The following XPOT variants were observed in gnomAD, a reference collection of about 807,000 sequenced individuals.
XPOT encodes the protein exportin for tRNA.
Under a neutral mutation model 128.2 loss-of-function variants are expected in XPOT, and 34 were observed. The observed-to-expected ratio is 0.27, with a 90% CI of 0.20 to 0.35. The LOEUF (loss-of-function observed/expected upper bound fraction) is 0.35. Ranked by LOEUF, XPOT falls within the 10% of genes least tolerant of loss-of-function variation. XPOT has a pLI of 1.00. For synonymous variants in XPOT, 348 were observed against 394.3 expected (o/e 0.88, Z 1.39); for missense variants, 838 against 1,125.3 (o/e 0.74, Z 3.65).
chr12:64,413,904 A>AT (rs2040063519), intron 2 of XPOT, among the ~76,000 whole-genome samples: 1 of 152,216 alleles, frequency 6.6e-6, no homozygotes, highest in Non-Finnish European at 1.5e-5. Flanking sequence ...TGATTTCATC[A>AT]CTAGTGGGAG....
At chr12:64,411,759 T>C (rs1357257752) in intron 2 of XPOT, among the ~76,000 whole-genome samples, 2 of 152,146 alleles carry the variant, frequency 1.3e-5, no homozygotes, top group African/African-American at 4.8e-5. Flanking sequence ...CCAACCCCAA[T>C]TGCTCAGTTG....
In XPOT at chr12:64,424,718, A is replaced by C. The variant is rs748525662; in HGVS notation, c.1302A>C (p.Thr434=). 37 of 1,613,540 alleles carry C rather than the reference A, an allele frequency of 2.3e-5. No individual in the cohort carries two copies. Among genetic ancestry groups the C allele is most frequent in the Middle Eastern group, 1.7e-4 (1 of 5,928 alleles). ...LASVRRVFSS[T]LQNWQTTRFM... is the part of the protein sequence containing the mutation. ...CTGTTCGCAGAGTTTTTAGTTCTACACTGCAGTAAGTTTGTCATTACTTTT... is the reference window on the plus strand; with the variant it reads ...CTGTTCGCAGAGTTTTTAGTTCTACCCTGCAGTAAGTTTGTCATTACTTTT... The change falls in exon 12 of 25, where the codon ACA becomes ACC. Residue 434 remains threonine, a synonymous_variant. Transcript: ENST00000332707.
intron 15 of XPOT, 124 bp downstream of exon 15, chr12:64,426,033 G>A: frequency 4.7e-6 from 4 of 854,986 alleles, no homozygotes; most frequent in Non-Finnish European, 7.5e-6. Context: ...TAAAGAAAAT[G>A]TAGGCCAGGT....
At chr12:64,410,952 A>T (rs2136011086) in intron 2 of XPOT, among the ~76,000 whole-genome samples, 1 of 152,156 alleles carries the variant, frequency 6.6e-6, no homozygotes, top group Admixed American at 6.5e-5. Context: ...GAGCTAAATG[A>T]GGTTAACAAT....
intron 1 of XPOT, among the ~76,000 whole-genome samples, chr12:64,405,845 T>A (rs2039975778): frequency 6.6e-6 from 1 of 152,212 alleles, no homozygotes; most frequent in Non-Finnish European, 1.5e-5. Context: ...CTCGATCTCT[T>A]GACCTCGCGA....
chr12:64,440,558 C>T (rs2040316837), intron 23 of XPOT, among the ~76,000 whole-genome samples: 3 of 152,162 alleles, frequency 2.0e-5, no homozygotes, highest in Admixed American at 1.3e-4. Context: ...AGTGGCTATA[C>T]ACCATTTTGC....
At position 64,438,078 on chromosome 12, in the gene XPOT, T is replaced by C. The variant is rs536559086; in HGVS notation, c.2734-1166T>C. On this transcript the variant is annotated intron_variant, in intron 22 of 24. Coordinates refer to ENST00000332707, the MANE Select transcript of XPOT (RefSeq NM_007235.6). Reference sequence around the variant, plus strand: ...CTCAAGAGAGGAGATTGGATGGCGTTGTTTGGATGCTAAACAGTCAAGGTG... The same window carrying C: ...CTCAAGAGAGGAGATTGGATGGCGTCGTTTGGATGCTAAACAGTCAAGGTG... Among the ~76,000 whole-genome samples the C allele has an allele frequency of 3.2e-3, 482 of 152,284 alleles. 5 individuals are homozygous for C. Among genetic ancestry groups the C allele is most frequent in the African/African-American group, 0.011 (462 of 41,566 alleles).
At chr12:64,422,511 G>A (rs1204238553) in intron 9 of XPOT, among the ~76,000 whole-genome samples, 1 of 152,118 alleles carries the variant, frequency 6.6e-6, no homozygotes, top group Non-Finnish European at 1.5e-5. Context: ...ACTAGAAGTG[G>A]CATTACTTGA....
At chr12:64,404,919 A>C (rs1464123358) in intron 1 of XPOT, 115 bp downstream of exon 1, 3 of 151,472 alleles carry the variant, frequency 2.0e-5, no homozygotes, top group Non-Finnish European at 4.4e-5. Flanking sequence ...GGGAGGGTGC[A>C]GGCTTGGGAC....
At chr12:64,448,006 A>G (rs2040379292) in intron 24 of XPOT, 99 bp from the exon 25 acceptor site, 1 of 1,084,092 alleles carries the variant, frequency 9.2e-7, no homozygotes. Context: ...CTAATGTTAC[A>G]GAAGAACATT....
At position 64,434,899 on chromosome 12, in the gene XPOT, A is replaced by G. The variant is rs1421385112; in HGVS notation, c.2675A>G (p.Gln892Arg). ...CAAACCTTTGACCTGGCAGATGCACAAACAGTATTGGTAAGCACCTAGGAA... is the reference window on the plus strand; with the variant it reads ...CAAACCTTTGACCTGGCAGATGCACGAACAGTATTGGTAAGCACCTAGGAA... The part of the protein sequence containing the change: ...LKQTFDLADA[Q>R]TVLALSECAV... Residue 892 changes from glutamine to arginine, a missense_variant, in exon 21 of 25, where the codon CAA becomes CGA. By Grantham distance (43) the Gln-to-Arg change is conservative. Transcript: ENST00000332707. 2.5e-6 allele frequency: 4 copies of G among 1,612,382 alleles called. No homozygotes were observed. The highest frequency in any genetic ancestry group is 3.4e-6 in the Non-Finnish European group (4 of 1,179,902).
intron 3 of XPOT, among the ~76,000 whole-genome samples, chr12:64,415,536 G>A (rs1407633703): frequency 2.0e-5 from 3 of 151,904 alleles, no homozygotes; most frequent in African/African-American, 4.8e-5. Flanking sequence ...CACCATGCCC[G>A]GCTAATTTTT....
intron 9 of XPOT, 141 bp from the exon 10 acceptor site, chr12:64,422,863 AC>A: frequency 5.2e-6 from 1 of 192,900 alleles, no homozygotes; most frequent in Non-Finnish European, 1.1e-5. Flanking sequence ...TGACTGCGCC[AC>A]TGCACTCCAG....
rs114893773 is a variant in XPOT, at chr12:64,429,055, C to T, written c.1737+935C>T. 4.8e-3 allele frequency among the ~76,000 whole-genome samples: 733 copies of T among 152,320 alleles called. 8 individuals are homozygous for T. Among genetic ancestry groups the T allele is most frequent in the African/African-American group, 0.017 (695 of 41,578 alleles). ...CGGCAATGGGTCACTACAACATATGCAGTCACCCAAAGAACTGAGATCACA... is the reference window on the plus strand; with the variant it reads ...CGGCAATGGGTCACTACAACATATGTAGTCACCCAAAGAACTGAGATCACA... On this transcript the variant is annotated intron_variant, in intron 16 of 24. Coordinates refer to ENST00000332707, the MANE Select transcript of XPOT (RefSeq NM_007235.6).
intron 23 of XPOT, among the ~76,000 whole-genome samples, chr12:64,441,065 T>C (rs2040321009): frequency 6.6e-6 from 1 of 152,232 alleles, no homozygotes; most frequent in Non-Finnish European, 1.5e-5. Context: ...TTTTGCAGTT[T>C]GGAGACTTAC....
At chr12:64,428,678 T>C (rs951067063) in intron 16 of XPOT, among the ~76,000 whole-genome samples, 25 of 152,266 alleles carry the variant, frequency 1.6e-4, no homozygotes, top group Middle Eastern at 3.4e-3. Flanking sequence ...ATCAAAATCT[T>C]AAAAATATAA....
In XPOT at chr12:64,449,919, C is replaced by T. The variant is rs2040396504; in HGVS notation, c.*1788C>T. The stretch of plus-strand genomic sequence containing the variant: ...AATCAGATTAAGTAGGTTCAAATAC[C>T]AGTTCTGCCAGTAACTGGTTTTAGA... On this transcript the variant is annotated 3_prime_UTR_variant, in exon 25 of 25. Transcript: ENST00000332707. 1 of 152,110 alleles carries T rather than the reference C, an allele frequency of 6.6e-6. No individual in the cohort carries two copies. Among genetic ancestry groups the T allele is most frequent in the Non-Finnish European group, 1.5e-5 (1 of 68,008 alleles). The allele number at this position is 152,110 out of a possible 1,614,324, so 9.4% of individuals were successfully genotyped here. A position where few individuals can be genotyped will look rare whatever the true frequency, so the allele number is the denominator to read the frequency against.
intron 22 of XPOT, among the ~76,000 whole-genome samples, chr12:64,438,025 A>G (rs1235387421): frequency 6.6e-6 from 1 of 152,124 alleles, no homozygotes; most frequent in Non-Finnish European, 1.5e-5. Flanking sequence ...CAGAGGTAGG[A>G]GCATTATGAA....
chr12:64,408,016 C>T (rs2039999319), intron 1 of XPOT, among the ~76,000 whole-genome samples: 1 of 152,164 alleles, frequency 6.6e-6, no homozygotes. Flanking sequence ...TCCCCTACCC[C>T]TGCTATTCCC....
Sources: gnomAD v4.1 joint callset for allele counts (sites outside exome capture counted in the v4.1 genomes callset) on GRCh38, gnomAD v4.1.1 for gene constraint, MANE v1.5 for transcripts, NCBI Gene and HGNC (gene_info 2026-07-23, HGNC 2026-07-21) for gene names.